The following GXYLT1 variants were observed in gnomAD, a reference collection of about 807,000 sequenced individuals.
GXYLT1 encodes the protein glucoside xylosyltransferase 1.
In GXYLT1, 29 loss-of-function variants were observed where a neutral mutation model predicts 54.0. The observed-to-expected ratio is 0.54, with a 90% CI of 0.40 to 0.73. GXYLT1 has a LOEUF of 0.73. Ranked by LOEUF, GXYLT1 falls within the 30% of genes least tolerant of loss-of-function variation. The pLI, the probability that GXYLT1 is intolerant of heterozygous loss-of-function variation, is 0.00. For missense variants in GXYLT1, 490 were observed against 553.4 expected (o/e 0.89, Z 1.15); for synonymous variants, 176 against 204.1 (o/e 0.86, Z 1.17).
rs148249519 is a variant in GXYLT1, at chr12:42,095,653, A to G, written c.1161+1789T>C. Reference sequence around the variant, plus strand: ...GGGCAGTTAGGATAAACGGGCTAAGATAACAGGTTACATCTGAGTAAACCC... The same window carrying G: ...GGGCAGTTAGGATAAACGGGCTAAGGTAACAGGTTACATCTGAGTAAACCC... On this transcript the variant is annotated intron_variant, in intron 7 of 7. Transcript: ENST00000398675. 9.5e-3 allele frequency among the ~76,000 whole-genome samples: 1,451 copies of G among 152,302 alleles called. 19 individuals carry two copies. The highest frequency in any genetic ancestry group is 0.027 in the South Asian group (128 of 4,826).
intron 1 of GXYLT1, among the ~76,000 whole-genome samples, chr12:42,142,792 G>A (rs1027169743): frequency 5.9e-5 from 9 of 152,074 alleles, no homozygotes; most frequent in Non-Finnish European, 1.3e-4. Context: ...TTGTTCCCCT[G>A]CCCAAATGGT....
intron 1 of GXYLT1, among the ~76,000 whole-genome samples, chr12:42,136,561 T>TA (rs1361663122): frequency 2.0e-5 from 3 of 152,262 alleles, no homozygotes; most frequent in African/African-American, 7.2e-5. Context: ...ATAAAGCATC[T>TA]AGCTCTAGGT....
Position 42,109,638 on chromosome 12 carries a change from G to A in GXYLT1, c.540C>T (p.Thr180=), listed in dbSNP as rs757703457. Residue 180 remains threonine, a synonymous_variant, in exon 4 of 8, where the codon ACC becomes ACT. Coordinates refer to ENST00000398675, the MANE Select transcript of GXYLT1 (RefSeq NM_173601.2). ...QTFNYTLYPI[T]FPSENAAEWK... ...ACTCTGCTGCATTCTCACTTGGAAAGGTTATGGGGTATAACGTATAATTAA... is the reference window on the plus strand; with the variant it reads ...ACTCTGCTGCATTCTCACTTGGAAAAGTTATGGGGTATAACGTATAATTAA... The A allele has an allele frequency of 6.3e-7, 1 of 1,586,810 alleles. No individual in the cohort carries two copies. The highest frequency in any genetic ancestry group is 1.7e-4 in the Middle Eastern group (1 of 5,994).
chr12:42,138,532 TA>T (rs892759895), intron 1 of GXYLT1, among the ~76,000 whole-genome samples: 1 of 70,998 alleles, frequency 1.4e-5, no homozygotes, highest in African/African-American at 6.5e-5. Context: ...GATTTAAATC[TA>T]AAAAAGGGAG....
At chr12:42,111,979 C>G (rs1361348126) in intron 3 of GXYLT1, among the ~76,000 whole-genome samples, 1 of 152,192 alleles carries the variant, frequency 6.6e-6, no homozygotes, top group African/African-American at 2.4e-5. Context: ...TGCGGTTCAC[C>G]AATATCTGCT....
In GXYLT1 at chr12:42,144,843, A is replaced by G; in HGVS notation, c.-197T>C. ...GCAGTCGCGGCTCCGGAGCCGAAGG[A>G]CTACCCGCCCGGAAGCCTGGACACC... On this transcript the variant is annotated 5_prime_UTR_variant, in exon 1 of 8. Coordinates refer to ENST00000398675, the MANE Select transcript of GXYLT1 (RefSeq NM_173601.2). The G allele has an allele frequency of 2.8e-6, 1 of 360,722 alleles. No individual in the cohort carries two copies. The highest frequency in any genetic ancestry group is 5.0e-6 in the Non-Finnish European group (1 of 201,754). The allele number at this position is 360,722 out of a possible 1,614,324, so 22.3% of individuals were successfully genotyped here. A position where few individuals can be genotyped will look rare whatever the true frequency, so the allele number is the denominator to read the frequency against.
At chr12:42,137,422 C>A (rs1000834658) in intron 1 of GXYLT1, among the ~76,000 whole-genome samples, 16 of 142,036 alleles carry the variant, frequency 1.1e-4, no homozygotes, top group Non-Finnish European at 2.3e-4. Flanking sequence ...GCAGGAGAAT[C>A]GCTTGAACTC....
intron 4 of GXYLT1, 95 bp downstream of exon 4, chr12:42,109,471 G>T: frequency 1.3e-6 from 1 of 786,940 alleles, no homozygotes; most frequent in Non-Finnish European, 1.8e-6. Context: ...TTATTTAACT[G>T]GAATTATATG....
chr12:42,132,504 T>C (rs1045145346), intron 1 of GXYLT1, among the ~76,000 whole-genome samples: 2 of 152,218 alleles, frequency 1.3e-5, no homozygotes, highest in Non-Finnish European at 1.5e-5. Context: ...AAGAAACAAA[T>C]TACCCACCAC....
intron 1 of GXYLT1, among the ~76,000 whole-genome samples, chr12:42,136,048 T>G (rs188969050): frequency 1.3e-5 from 2 of 152,306 alleles, no homozygotes; most frequent in African/African-American, 4.8e-5. Flanking sequence ...CATAAAACAC[T>G]TAGGTATTGC....
chr12:42,094,351 C>CAAAAA lies in GXYLT1; in HGVS notation c.1161+3086_1161+3090dup, dbSNP rs11406709. On this transcript the variant is annotated intron_variant, in intron 7 of 7. Coordinates refer to ENST00000398675, the MANE Select transcript of GXYLT1 (RefSeq NM_173601.2). ...GGGTGACAAGAGCATAACCCTGCCTCAAAAAAAAAAAAAAAAAAAGATGAG... is the reference window on the plus strand; with the variant it reads ...GGGTGACAAGAGCATAACCCTGCCTCAAAAAAAAAAAAAAAAAAAAAAAAGATGAG... 9.4e-5 allele frequency among the ~76,000 whole-genome samples: 7 copies of CAAAAA among 74,650 alleles called. No individual in the cohort carries two copies. In the East Asian group the frequency reaches 2.0e-3, roughly 21 times the overall value. 49.0% of individuals were successfully genotyped at this position (74,650 alleles called of 152,430 possible). A position where few individuals can be genotyped will look rare whatever the true frequency, so the allele number is the denominator to read the frequency against.
At chr12:42,121,054 C>T (rs572964255) in intron 2 of GXYLT1, among the ~76,000 whole-genome samples, 1 of 152,258 alleles carries the variant, frequency 6.6e-6, no homozygotes, top group East Asian at 1.9e-4. Flanking sequence ...ACAGTGGAAG[C>T]CACAATGACA....
intron 2 of GXYLT1, among the ~76,000 whole-genome samples, chr12:42,120,291 A>G (rs1299735628): frequency 1.3e-5 from 2 of 152,220 alleles, no homozygotes; most frequent in Non-Finnish European, 2.9e-5. Context: ...GACTACAAGA[A>G]AAAATGTCCT....
chr12:42,133,438 T>C (rs1462963140), intron 1 of GXYLT1, among the ~76,000 whole-genome samples: 3 of 152,100 alleles, frequency 2.0e-5, no homozygotes, highest in South Asian at 4.2e-4. Context: ...CTTGGAACAC[T>C]CTTTGAACCT....
At chr12:42,128,348 C>T (rs1313992341) in intron 2 of GXYLT1, among the ~76,000 whole-genome samples, 2 of 152,244 alleles carry the variant, frequency 1.3e-5, no homozygotes, top group South Asian at 2.1e-4. Flanking sequence ...ACCAAAACAT[C>T]GCTTTATGCC....
Position 42,109,385 on chromosome 12 carries a change from T to A in GXYLT1, c.612+181A>T, listed in dbSNP as rs373035336. Among the ~76,000 whole-genome samples, 3 of 152,314 alleles carry A rather than the reference T, an allele frequency of 2.0e-5. No individual in the cohort carries two copies. In the East Asian group the frequency reaches 5.8e-4, roughly 29 times the overall value. ...TCATTCTTAACAGGGGTTTTTATTT[T>A]ACTTGTTCCACAGGAATATTTTTTC... is the stretch of plus-strand genomic sequence containing the variant. On this transcript the variant is annotated intron_variant, in intron 4 of 7. Coordinates refer to ENST00000398675, the MANE Select transcript of GXYLT1 (RefSeq NM_173601.2).
chr12:42,123,956 A>G (rs979236255), intron 2 of GXYLT1, among the ~76,000 whole-genome samples: 12 of 151,864 alleles, frequency 7.9e-5, no homozygotes, highest in African/African-American at 1.2e-4. Context: ...AAGAAAGAAA[A>G]AAAAAAAAGA....
In GXYLT1 at chr12:42,087,534, A is replaced by AT; in HGVS notation, c.*251dup. 1 of 367,294 alleles carries AT rather than the reference A, an allele frequency of 2.7e-6. No individual in the cohort carries two copies. Among genetic ancestry groups the AT allele is most frequent in the South Asian group, 2.9e-5 (1 of 34,442 alleles). 22.8% of individuals were successfully genotyped at this position (367,294 alleles called of 1,614,324 possible). A position where few individuals can be genotyped will look rare whatever the true frequency, so the allele number is the denominator to read the frequency against. On this transcript the variant is annotated 3_prime_UTR_variant, in exon 8 of 8. Coordinates refer to ENST00000398675, the MANE Select transcript of GXYLT1 (RefSeq NM_173601.2). The stretch of plus-strand genomic sequence containing the variant: ...CTGCAGGTTAAACCCATTCAATAGT[A>AT]TTTTCATCAATACTGGAATGATAGC...
At chr12:42,092,693 G>A (rs12313668) in intron 7 of GXYLT1, among the ~76,000 whole-genome samples, 1,597 of 152,098 alleles carry the variant, frequency 0.01, 31 homozygotes, top group African/African-American at 0.036. Context: ...ATTTACAAAA[G>A]CAACAAAAAG....
Sources: allele counts gnomAD v4.1 joint callset (sites outside exome capture counted in the v4.1 genomes callset), GRCh38; gene constraint gnomAD v4.1.1; transcripts MANE v1.5; gene names NCBI Gene and HGNC (gene_info 2026-07-23, HGNC 2026-07-21).